CTTNBP2: variants seen among roughly 807,000 people sequenced by gnomAD.
The protein encoded by CTTNBP2 is cortactin-binding protein 2.
A neutral mutation model predicts 156.9 loss-of-function variants in CTTNBP2; 108 were observed. The ratio of observed to expected loss-of-function variants is 0.69; its 90% CI spans 0.59 to 0.81. The LOEUF (loss-of-function observed/expected upper bound fraction) is 0.81. CTTNBP2 is among the 30% of genes least tolerant of loss of function. CTTNBP2 has a pLI of 0.00. For synonymous variants in CTTNBP2, 767 were observed against 751.8 expected, an observed-to-expected ratio of 1.02 and a Z score of -0.33; for missense variants, 1,924 against 2,035.4, an observed-to-expected ratio of 0.95 and a Z score of 1.05.
chr7:117,773,031 A>T (rs1436292342), intron 8 of CTTNBP2, among the ~76,000 whole-genome samples: 1 of 152,224 alleles, frequency 6.6e-6, no homozygotes, highest in Non-Finnish European at 1.5e-5. Context: ...ATAGAAAAAA[A>T]GGAAATAATC....
At chr7:117,744,426 C>T (rs568181126) in intron 14 of CTTNBP2, among the ~76,000 whole-genome samples, 2 of 152,286 alleles carry the variant, frequency 1.3e-5, no homozygotes, top group South Asian at 4.2e-4. Flanking sequence ...CAATTAAGAA[C>T]CTGTGATGTT....
chr7:117,871,169 A>G (rs555308307), intron 1 of CTTNBP2, among the ~76,000 whole-genome samples: 9 of 152,348 alleles, frequency 5.9e-5, no homozygotes, highest in Admixed American at 5.9e-4. Flanking sequence ...CAAGAACCCA[A>G]AATGCATAAA....
chr7:117,798,933 A>C (rs2116902062), intron 3 of CTTNBP2, among the ~76,000 whole-genome samples: 1 of 152,094 alleles, frequency 6.6e-6, no homozygotes, highest in African/African-American at 2.4e-5. Flanking sequence ...CAATAAGTTC[A>C]ATAAATTAAA....
rs552215684 is a variant in CTTNBP2, at chr7:117,780,570, T to C, written c.2394A>G (p.Ser798=). 13 of 1,589,642 alleles carry C rather than the reference T, an allele frequency of 8.2e-6. No homozygotes were observed. The South Asian group carries it at 1.3e-4, about 16-fold the overall frequency. The change falls in exon 7 of 23, where the codon TCA becomes TCG. Residue 798 remains serine, a synonymous_variant. Coordinates refer to ENST00000160373, the MANE Select transcript of CTTNBP2 (RefSeq NM_033427.3). ...CAGCATGATTAATGTTAGCATCATA[T>C]GAAATTAATAATTCTACACACCTAA... ...GHFECVELLI[S]YDANINHAAD...
chr7:117,810,514 A>G (rs149269964), intron 3 of CTTNBP2, among the ~76,000 whole-genome samples: 1 of 152,248 alleles, frequency 6.6e-6, no homozygotes, highest in African/African-American at 2.4e-5. Flanking sequence ...GATTTTAAAG[A>G]AAGTATCAAA....
intron 4 of CTTNBP2, 151 bp from the exon 5 acceptor site, chr7:117,784,605 T>A: frequency 1.9e-6 from 1 of 529,306 alleles, no homozygotes; most frequent in South Asian, 3.7e-5. Context: ...TGTTAATATT[T>A]ACTTAGCATG....
intron 3 of CTTNBP2, among the ~76,000 whole-genome samples, chr7:117,807,882 G>A (rs1055956351): frequency 3.3e-5 from 5 of 152,182 alleles, no homozygotes; most frequent in Non-Finnish European, 5.9e-5. Context: ...GCTGAACCAC[G>A]ATGTAAGCCA....
intron 22 of CTTNBP2, among the ~76,000 whole-genome samples, chr7:117,716,612 T>C (rs34665848): frequency 0.24 from 36,556 of 152,030 alleles, 4,749 homozygotes; most frequent in Non-Finnish European, 0.25. Flanking sequence ...CAGGTCACCT[T>C]CTTAGGTCAT....
chr7:117,787,932 A>G (rs1352539533), intron 4 of CTTNBP2, among the ~76,000 whole-genome samples: 1 of 152,120 alleles, frequency 6.6e-6, no homozygotes, highest in East Asian at 1.9e-4. Flanking sequence ...AAAATTTATC[A>G]TGCAAGTTTA....
At chr7:117,824,360 AT>A (rs925307949) in intron 2 of CTTNBP2, among the ~76,000 whole-genome samples, 18 of 151,892 alleles carry the variant, frequency 1.2e-4, no homozygotes, top group African/African-American at 4.4e-4. Flanking sequence ...AGGAACATCA[AT>A]TTTTCTCCTG....
chr7:117,722,284 A>AC, intron 19 of CTTNBP2, among the ~76,000 whole-genome samples: 1 of 149,732 alleles, frequency 6.7e-6, no homozygotes, highest in African/African-American at 2.5e-5. Flanking sequence ...AACCAAAGTC[A>AC]CCCCAACCAT....
At position 117,825,952 on chromosome 7, in the gene CTTNBP2, C is replaced by G. The variant is rs1437418807; in HGVS notation, c.190-14963G>C. 3.3e-5 allele frequency among the ~76,000 whole-genome samples: 5 copies of G among 152,066 alleles called. No homozygotes were observed. The East Asian group carries it at 9.6e-4, about 29-fold the overall frequency. ...GGAAATGGGAAGCCACGTGCCAGTG[C>G]CAAAGCTTCCATGTTATTTAGAACT... On this transcript the variant is annotated intron_variant, in intron 2 of 22. Transcript: ENST00000160373.
At chr7:117,791,011 G>C in intron 4 of CTTNBP2, 117 bp downstream of exon 4, 1 of 790,506 alleles carries the variant, frequency 1.3e-6, no homozygotes, top group South Asian at 1.8e-5. Flanking sequence ...AAGAAATGGG[G>C]GTGGGGGGAA....
chr7:117,796,314 T>C (rs1456385312), intron 3 of CTTNBP2, among the ~76,000 whole-genome samples: 2 of 152,322 alleles, frequency 1.3e-5, no homozygotes, highest in South Asian at 2.1e-4. Context: ...ATAAGCACAG[T>C]ACATAAACAT....
At chr7:117,842,137 A>T (rs898521802) in intron 2 of CTTNBP2, among the ~76,000 whole-genome samples, 26 of 152,198 alleles carry the variant, frequency 1.7e-4, no homozygotes, top group African/African-American at 6.0e-4. Context: ...AAACTGGTGG[A>T]GGGGGACACA....
At chr7:117,808,481 G>A (rs1007902500) in intron 3 of CTTNBP2, among the ~76,000 whole-genome samples, 2 of 152,116 alleles carry the variant, frequency 1.3e-5, no homozygotes, top group South Asian at 2.1e-4. Context: ...CAGTTAACCC[G>A]CCTATTCGTA....
At chr7:117,763,127 T>G (rs1797296101) in intron 9 of CTTNBP2, among the ~76,000 whole-genome samples, 1 of 152,138 alleles carries the variant, frequency 6.6e-6, no homozygotes, top group African/African-American at 2.4e-5. Context: ...AAAAATAAAT[T>G]TTTCTTATAT....
At chr7:117,761,397 T>G (rs1045846551) in intron 9 of CTTNBP2, among the ~76,000 whole-genome samples, 1 of 152,246 alleles carries the variant, frequency 6.6e-6, no homozygotes, top group Non-Finnish European at 1.5e-5. Context: ...CGACTGAGGC[T>G]CCAGCAGAGT....
intron 19 of CTTNBP2, among the ~76,000 whole-genome samples, chr7:117,721,539 T>C (rs1794791791): frequency 6.6e-6 from 1 of 152,272 alleles, no homozygotes; most frequent in Non-Finnish European, 1.5e-5. Context: ...TCTACCTTTG[T>C]GTGCATTCTA....
Sources: gnomAD v4.1 joint callset for allele counts (sites outside exome capture counted in the v4.1 genomes callset) on GRCh38, gnomAD v4.1.1 for gene constraint, MANE v1.5 for transcripts, NCBI Gene and HGNC (gene_info 2026-07-23, HGNC 2026-07-21) for gene names.